The following SMYD3 variants were observed in gnomAD, a reference collection of about 807,000 sequenced individuals.
SMYD3 encodes the protein SET and MYND domain containing 3, also known as histone-lysine N-methyltransferase SMYD3.
In SMYD3, 36 loss-of-function variants were observed where a neutral mutation model predicts 57.7. The ratio of observed to expected loss-of-function variants is 0.62; its 90% CI spans 0.48 to 0.82. The LOEUF is 0.82. Ranked by LOEUF, SMYD3 falls within the 40% of genes least tolerant of loss-of-function variation. The pLI is 0.00. For synonymous variants in SMYD3, 211 were observed against 195.0 expected, an observed-to-expected ratio of 1.08 and a Z score of -0.68; for missense variants, 515 against 538.8, an observed-to-expected ratio of 0.96 and a Z score of 0.44.
chr1:245,877,019 G>A (rs1490494603), intron 8 of SMYD3, among the ~76,000 whole-genome samples: 1 of 152,126 alleles, frequency 6.6e-6, no homozygotes, highest in Non-Finnish European at 1.5e-5. Context: ...AGGCTTGGAG[G>A]CTATGGAAGC....
At chr1:245,932,075 T>G (rs1257969234) in intron 5 of SMYD3, among the ~76,000 whole-genome samples, 1 of 152,212 alleles carries the variant, frequency 6.6e-6, no homozygotes, top group Admixed American at 6.5e-5. Flanking sequence ...TTTTTAAATG[T>G]GTATAATTTG....
intron 1 of SMYD3, among the ~76,000 whole-genome samples, chr1:246,368,952 T>A (rs1393857934): frequency 6.6e-6 from 1 of 152,176 alleles, no homozygotes; most frequent in Non-Finnish European, 1.5e-5. Flanking sequence ...AATAAACTCA[T>A]ATATACAGAT....
intron 5 of SMYD3, among the ~76,000 whole-genome samples, chr1:246,102,495 C>T (rs1212106887): frequency 6.6e-6 from 1 of 152,146 alleles, no homozygotes; most frequent in African/African-American, 2.4e-5. Flanking sequence ...CAAATTCTCA[C>T]ATGCCATATA....
intron 5 of SMYD3, among the ~76,000 whole-genome samples, chr1:246,015,054 G>A (rs1390208490): frequency 6.6e-6 from 1 of 152,076 alleles, no homozygotes; most frequent in Non-Finnish European, 1.5e-5. Flanking sequence ...GCCATGGTAT[G>A]TTCTTCAAGC....
intron 5 of SMYD3, among the ~76,000 whole-genome samples, chr1:246,219,690 G>T (rs2063221485): frequency 6.6e-6 from 1 of 152,164 alleles, no homozygotes; most frequent in Non-Finnish European, 1.5e-5. Flanking sequence ...AGAGCTAAAA[G>T]GTCACTGTAA....
At chr1:245,840,933 T>C (rs1369631447) in intron 10 of SMYD3, among the ~76,000 whole-genome samples, 1 of 152,194 alleles carries the variant, frequency 6.6e-6, no homozygotes, top group African/African-American at 2.4e-5. Context: ...GAGCCAAGGC[T>C]TGGCATTTGG....
chr1:246,484,075 T>C (rs1202422373), intron 1 of SMYD3, among the ~76,000 whole-genome samples: 25 of 86,998 alleles, frequency 2.9e-4, no homozygotes, highest in Admixed American at 1.4e-3. Flanking sequence ...ACCTAAACCA[T>C]TGTACTAGTT....
chr1:246,325,012 CG>C lies in SMYD3; in HGVS notation c.531+2188del, dbSNP rs1346089111. On this transcript the variant is annotated intron_variant, in intron 5 of 11. Coordinates refer to ENST00000490107, the MANE Select transcript of SMYD3 (RefSeq NM_001167740.2). Reference sequence around the variant, plus strand: ...GGGGCGGGAAGGAGGGAGAAGGAGTCGGGGGAGCGGGAAGGAGGGAGAAGGA... The same window carrying C: ...GGGGCGGGAAGGAGGGAGAAGGAGTCGGGGAGCGGGAAGGAGGGAGAAGGA... Among the ~76,000 whole-genome samples, 161 of 61,418 alleles carry C rather than the reference CG, an allele frequency of 2.6e-3. 10 individuals carry two copies. Among genetic ancestry groups the C allele is most frequent in the Non-Finnish European group, 3.5e-3 (113 of 32,212 alleles). 40.3% of individuals were successfully genotyped at this position (61,418 alleles called of 152,430 possible).
At chr1:246,258,223 G>C (rs1168361931) in intron 5 of SMYD3, among the ~76,000 whole-genome samples, 8 of 152,044 alleles carry the variant, frequency 5.3e-5, no homozygotes, top group African/African-American at 1.7e-4. Context: ...TTTTAGTAGA[G>C]ATGGGGTTTT....
intron 1 of SMYD3, among the ~76,000 whole-genome samples, chr1:246,357,608 T>C (rs188449207): frequency 1.2e-4 from 18 of 152,296 alleles, no homozygotes; most frequent in Non-Finnish European, 2.9e-5. Flanking sequence ...ATGATATCTA[T>C]GAACCCCCTC....
intron 1 of SMYD3, among the ~76,000 whole-genome samples, chr1:246,492,711 G>A (rs559802751): frequency 1.3e-5 from 2 of 152,314 alleles, no homozygotes; most frequent in East Asian, 3.9e-4. Context: ...AGGATGCCTG[G>A]ATAACAACTA....
At chr1:246,269,860 A>AGT (rs1177101845) in intron 5 of SMYD3, among the ~76,000 whole-genome samples, 1 of 152,112 alleles carries the variant, frequency 6.6e-6, no homozygotes, top group Non-Finnish European at 1.5e-5. Context: ...GGCGTGTACC[A>AGT]CCACACCCAG....
intron 5 of SMYD3, among the ~76,000 whole-genome samples, chr1:246,227,986 A>T (rs1383431083): frequency 5.4e-5 from 7 of 129,574 alleles, no homozygotes; most frequent in Admixed American, 7.9e-5. Flanking sequence ...TTTGGAGACA[A>T]AGTCTCACTC....
chr1:246,390,818 T>G (rs963765988), intron 1 of SMYD3, among the ~76,000 whole-genome samples: 9 of 152,268 alleles, frequency 5.9e-5, no homozygotes, highest in African/African-American at 2.2e-4. Context: ...ATGTAGCTAG[T>G]GGCTACTGCA....
intron 8 of SMYD3, among the ~76,000 whole-genome samples, chr1:245,898,461 A>G (rs1488365150): frequency 1.3e-5 from 2 of 152,240 alleles, no homozygotes; most frequent in Non-Finnish European, 2.9e-5. Flanking sequence ...GCAACTAGAG[A>G]GCACTGAATG....
At chr1:246,295,558 C>A (rs2064777392) in intron 5 of SMYD3, among the ~76,000 whole-genome samples, 1 of 152,110 alleles carries the variant, frequency 6.6e-6, no homozygotes, top group Non-Finnish European at 1.5e-5. Context: ...TATTTGCAAT[C>A]AAGATGCTGG....
At chr1:245,976,107 G>A (rs796413618) in intron 5 of SMYD3, among the ~76,000 whole-genome samples, 24 of 30,752 alleles carry the variant, frequency 7.8e-4, no homozygotes, top group Middle Eastern at 0.025. Flanking sequence ...GAAAGCCATC[G>A]TCTCTAGCCC....
At chr1:246,296,135 C>T (rs1402076026) in intron 5 of SMYD3, among the ~76,000 whole-genome samples, 2 of 152,142 alleles carry the variant, frequency 1.3e-5, no homozygotes, top group East Asian at 3.9e-4. Flanking sequence ...GGAATTAGGC[C>T]GCTCTGAGTC....
chr1:245,949,031 C>G (rs1297626339), intron 5 of SMYD3, among the ~76,000 whole-genome samples: 1 of 152,220 alleles, frequency 6.6e-6, no homozygotes, highest in Non-Finnish European at 1.5e-5. Context: ...ATTGCATGTG[C>G]CAACTGCAGG....
Sources: allele counts gnomAD v4.1 joint callset (sites outside exome capture counted in the v4.1 genomes callset), GRCh38; gene constraint gnomAD v4.1.1; transcripts MANE v1.5; gene names NCBI Gene and HGNC (gene_info 2026-07-23, HGNC 2026-07-21).